The following TBC1D22A variants were observed in gnomAD, a reference collection of about 807,000 sequenced individuals.
TBC1D22A encodes the protein TBC1 domain family member 22A, also known as putative GTPase activator.
TBC1D22A carries 38 observed loss-of-function variants against 60.2 expected under a neutral mutation model. That is an observed-to-expected ratio of 0.63 (90% CI 0.49 to 0.83). The LOEUF (loss-of-function observed/expected upper bound fraction) is 0.83. Ranked by LOEUF, TBC1D22A falls within the 40% of genes least tolerant of loss-of-function variation. The pLI is 0.00. For missense variants in TBC1D22A, 628 were observed against 701.0 expected (o/e 0.90, Z 1.18); for synonymous variants, 302 against 281.7 (o/e 1.07, Z -0.72).
At chr22:46,800,077 C>G (rs761331340) in intron 4 of TBC1D22A, among the ~76,000 whole-genome samples, 2 of 152,166 alleles carry the variant, frequency 1.3e-5, no homozygotes, top group African/African-American at 4.8e-5. Flanking sequence ...CCATGGCGTA[C>G]GTGGAGAACC....
At chr22:46,852,330 A>C (rs2087323052) in intron 4 of TBC1D22A, among the ~76,000 whole-genome samples, 3 of 152,008 alleles carry the variant, frequency 2.0e-5, no homozygotes, top group Non-Finnish European at 2.9e-5. Flanking sequence ...CTCTTCCAGA[A>C]CCCCAGGGTG....
intron 1 of TBC1D22A, among the ~76,000 whole-genome samples, chr22:46,772,078 TACATATATATGTATACAC>T (rs1569008066): frequency 1.0e-4 from 12 of 117,650 alleles, no homozygotes; most frequent in Admixed American, 1.7e-4. Context: ...TACACACATA[TACATATATATGTATACAC>T]ACATATACAT....
chr22:46,869,065 C>T (rs1337790365), intron 4 of TBC1D22A, among the ~76,000 whole-genome samples: 2 of 152,214 alleles, frequency 1.3e-5, no homozygotes, highest in Non-Finnish European at 2.9e-5. Context: ...CTGCCTCCCA[C>T]TGCTGTGTCT....
chr22:47,147,184 A>G (rs2067314354), intron 12 of TBC1D22A, among the ~76,000 whole-genome samples: 1 of 152,240 alleles, frequency 6.6e-6, no homozygotes, highest in Non-Finnish European at 1.5e-5. Context: ...ACAAGGAGAC[A>G]AGGGAGGGCT....
At chr22:46,792,820 G>T in intron 2 of TBC1D22A, 1 of 1,442,152 alleles carries the variant, frequency 6.9e-7, no homozygotes, top group Non-Finnish European at 9.1e-7. Flanking sequence ...GGAGCCCTGG[G>T]GAGAGCCAGG....
intron 1 of TBC1D22A, among the ~76,000 whole-genome samples, chr22:46,779,448 G>A (rs927193475): frequency 3.9e-5 from 6 of 151,944 alleles, no homozygotes; most frequent in African/African-American, 1.2e-4. Flanking sequence ...TAGTAGAGAC[G>A]GGGTTTCACC....
chr22:47,075,028 C>T (rs543257744), intron 11 of TBC1D22A, among the ~76,000 whole-genome samples: 84 of 152,196 alleles, frequency 5.5e-4, no homozygotes, highest in Admixed American at 5.9e-4. Context: ...TTGAGACCAT[C>T]CTGGCTAGCA....
chr22:46,839,760 G>C (rs927996765), intron 4 of TBC1D22A, among the ~76,000 whole-genome samples: 6 of 152,192 alleles, frequency 3.9e-5, no homozygotes, highest in Non-Finnish European at 8.8e-5. Flanking sequence ...TAGACCAATG[G>C]AATGTAAAGT....
chr22:47,169,405 C>T (rs995717452), intron 12 of TBC1D22A, among the ~76,000 whole-genome samples: 7 of 152,218 alleles, frequency 4.6e-5, no homozygotes, highest in Non-Finnish European at 8.8e-5. Flanking sequence ...CCCCACCTCC[C>T]AGATCCCAGG....
chr22:47,155,996 C>T (rs1191833131), intron 12 of TBC1D22A, among the ~76,000 whole-genome samples: 1 of 152,200 alleles, frequency 6.6e-6, no homozygotes, highest in Admixed American at 6.5e-5. Context: ...TGCCCAGCGT[C>T]GTGTTATGTG....
chr22:46,942,490 T>C (rs764517238), intron 8 of TBC1D22A, among the ~76,000 whole-genome samples: 9 of 152,168 alleles, frequency 5.9e-5, no homozygotes, highest in Non-Finnish European at 1.3e-4. Flanking sequence ...CGTGTCGAAG[T>C]TTTTACTTCA....
Position 46,777,870 on chromosome 22 carries a change from C to G in TBC1D22A, c.63-14650C>G, listed in dbSNP as rs1203255557. 1.3e-5 allele frequency among the ~76,000 whole-genome samples: 2 copies of G among 152,176 alleles called. No individual in the cohort carries two copies. The highest frequency in any genetic ancestry group is 4.8e-5 in the African/African-American group (2 of 41,432). Reference sequence around the variant, plus strand: ...TGATTTGGTCCCTGTGTGAACATCACAGAGCACATTTATACAAACCCAGGT... The same window carrying G: ...TGATTTGGTCCCTGTGTGAACATCAGAGAGCACATTTATACAAACCCAGGT... On this transcript the variant is annotated intron_variant, in intron 1 of 12. Coordinates refer to ENST00000337137, the MANE Select transcript of TBC1D22A (RefSeq NM_014346.5). The surrounding 1 kb of genome is among the most constrained non-coding windows in gnomAD (Gnocchi z 4.5).
At chr22:46,819,366 G>A (rs532677676) in intron 4 of TBC1D22A, among the ~76,000 whole-genome samples, 1 of 152,202 alleles carries the variant, frequency 6.6e-6, no homozygotes, top group African/African-American at 2.4e-5. Flanking sequence ...ATTGGCTGTG[G>A]GTTCATCATA....
intron 11 of TBC1D22A, among the ~76,000 whole-genome samples, chr22:47,098,862 G>A (rs1025903519): frequency 1.3e-5 from 2 of 152,216 alleles, no homozygotes; most frequent in African/African-American, 2.4e-5. Flanking sequence ...TCTGAGCTCC[G>A]ACTGGGACCT....
At chr22:46,793,197 G>T (rs1197567800) in intron 2 of TBC1D22A, among the ~76,000 whole-genome samples, 2 of 152,226 alleles carry the variant, frequency 1.3e-5, no homozygotes, top group Non-Finnish European at 2.9e-5. Flanking sequence ...GGGATTCGGG[G>T]AAGGTGCCCC....
At chr22:46,901,030 T>C (rs1357329707) in intron 7 of TBC1D22A, among the ~76,000 whole-genome samples, 1 of 152,226 alleles carries the variant, frequency 6.6e-6, no homozygotes, top group African/African-American at 2.4e-5. Flanking sequence ...AAATCCTTTT[T>C]CCTCCCATCT....
intron 12 of TBC1D22A, among the ~76,000 whole-genome samples, chr22:47,130,874 G>A (rs1264214589): frequency 6.6e-6 from 1 of 152,190 alleles, no homozygotes; most frequent in Non-Finnish European, 1.5e-5. Context: ...GGAACACCCT[G>A]GCCTGGGTAA....
At chr22:46,984,504 G>A (rs1472346902) in intron 9 of TBC1D22A, among the ~76,000 whole-genome samples, 3 of 150,308 alleles carry the variant, frequency 2.0e-5, no homozygotes, top group South Asian at 2.1e-4. Flanking sequence ...CTCATGCCAA[G>A]GTTGTCGGTT....
At chr22:46,883,762 G>C (rs73470827) in intron 5 of TBC1D22A, among the ~76,000 whole-genome samples, 1,744 of 152,302 alleles carry the variant, frequency 0.011, 34 homozygotes, top group African/African-American at 0.039. Flanking sequence ...TCTCCTGGCT[G>C]CTGCACACAG....
Sources: gnomAD v4.1 joint callset for allele counts (sites outside exome capture counted in the v4.1 genomes callset) on GRCh38, gnomAD v4.1.1 for gene constraint, Gnocchi (gnomAD v3.1) non-coding constraint, MANE v1.5 for transcripts, NCBI Gene and HGNC (gene_info 2026-07-23, HGNC 2026-07-21) for gene names.